ACTR1A: variants seen among roughly 807,000 people sequenced by gnomAD.
ACTR1A encodes actin related protein 1A.
A neutral mutation model predicts 50.7 loss-of-function variants in ACTR1A; 10 were observed. The observed-to-expected ratio is 0.20, with a 90% confidence interval of 0.12 to 0.33. ACTR1A has a LOEUF of 0.33. ACTR1A is among the 10% of genes least tolerant of loss of function. ACTR1A has a pLI of 1.00. For missense variants in ACTR1A, 253 were observed against 491.7 expected, an observed-to-expected ratio of 0.51 and a Z score of 4.59; for synonymous variants, 177 against 184.2, an observed-to-expected ratio of 0.96 and a Z score of 0.32.
chr10:102,496,546 T>A (rs2062223498), intron 1 of ACTR1A, among the ~76,000 whole-genome samples: 1 of 152,246 alleles, frequency 6.6e-6, no homozygotes, highest in Non-Finnish European at 1.5e-5. Flanking sequence ...TATACATAAT[T>A]GAACAGTGAA....
At chr10:102,499,083 T>C (rs564554412) in intron 1 of ACTR1A, among the ~76,000 whole-genome samples, 31 of 152,134 alleles carry the variant, frequency 2.0e-4, no homozygotes, top group Admixed American at 5.2e-4. Flanking sequence ...TGTCTTATGA[T>C]TGGGAAAGGC....
chr10:102,492,537 A>G (rs1329307786), intron 1 of ACTR1A, among the ~76,000 whole-genome samples: 1 of 152,120 alleles, frequency 6.6e-6, no homozygotes, highest in Admixed American at 6.5e-5. Context: ...CAAGCACTGA[A>G]CACACCTGGA....
chr10:102,489,139 C>T lies in ACTR1A; in HGVS notation c.114-1G>A, dbSNP rs768036222. 6.4e-7 allele frequency: 1 copy of T among 1,561,746 alleles called. No homozygotes were observed. Among genetic ancestry groups the T allele is most frequent in the South Asian group, 1.2e-5 (1 of 83,784 alleles). On this transcript the variant is annotated splice_acceptor_variant, in intron 2 of 10. Coordinates refer to ENST00000369905, the MANE Select transcript of ACTR1A (RefSeq NM_005736.4). LOFTEE classifies it high-confidence loss of function. ...ACGAACGTGCTTGGGTCGGCCCACA[C>T]TAGAAAAGACAGTGAGGAGGACCAT...
At position 102,482,422 on chromosome 10, in the gene ACTR1A, T is replaced by C; in HGVS notation, c.751-247A>G. 1 of 544,254 alleles carries C rather than the reference T, an allele frequency of 1.8e-6. No individual in the cohort carries two copies. Among genetic ancestry groups the C allele is most frequent in the South Asian group, 2.3e-5 (1 of 44,168 alleles). 33.7% of individuals were successfully genotyped at this position (544,254 alleles called of 1,614,324 possible). On this transcript the variant is annotated intron_variant, in intron 7 of 10. Transcript: ENST00000369905. The surrounding 1 kb of genome is among the most constrained non-coding windows in gnomAD (Gnocchi z 5.6). ...CCAGCCAAGAGGTCTTTGGCATCAG[T>C]ACATGGATTTATTTGCTCATGGAAA...
chr10:102,497,929 CAAA>C (rs397937965), intron 1 of ACTR1A, among the ~76,000 whole-genome samples: 4 of 111,460 alleles, frequency 3.6e-5, no homozygotes, highest in African/African-American at 1.0e-4. Context: ...CCCATTTCTA[CAAA>C]AAAAAAAAAA....
rs1283166105 is a variant in ACTR1A, at chr10:102,488,297, T to TA, written c.190-23dup. 1.2e-6 allele frequency: 2 copies of TA among 1,608,600 alleles called. No homozygotes were observed. The highest frequency in any genetic ancestry group is 2.2e-5 in the South Asian group (2 of 90,992). On this transcript the variant is annotated intron_variant, in intron 3 of 10. Coordinates refer to ENST00000369905, the MANE Select transcript of ACTR1A (RefSeq NM_005736.4). This position sits in a 1 kb window ranked among gnomAD's most constrained non-coding sequence, Gnocchi z 4.4. Reference sequence around the variant, plus strand: ...GCTCCTGGGAAAAGAGAACAGGACTTACGACTGCAGTCAGGCTCCACCCAG... The same window carrying TA: ...GCTCCTGGGAAAAGAGAACAGGACTTAACGACTGCAGTCAGGCTCCACCCAG...
chr10:102,491,950 TA>T (rs1344112454), intron 1 of ACTR1A, among the ~76,000 whole-genome samples: 1 of 147,026 alleles, frequency 6.8e-6, no homozygotes, highest in Non-Finnish European at 1.5e-5. Flanking sequence ...TTTTTTTTTT[TA>T]GTAGAGACAG....
intron 5 of ACTR1A, among the ~76,000 whole-genome samples, chr10:102,485,244 C>T (rs2062161507): frequency 6.6e-6 from 1 of 152,172 alleles, no homozygotes; most frequent in Admixed American, 6.5e-5. Flanking sequence ...GTCTCACAGC[C>T]TGGCAGAGCA....
intron 1 of ACTR1A, among the ~76,000 whole-genome samples, chr10:102,498,325 T>TC (rs35411206): frequency 0.14 from 19,936 of 139,266 alleles, 1,323 homozygotes; most frequent in East Asian, 0.17. Flanking sequence ...TCTCTCTCTC[T>TC]TTTTTTTTTT....
Position 102,482,284 on chromosome 10 carries a change from G to T in ACTR1A, c.751-109C>A. On this transcript the variant is annotated intron_variant, in intron 7 of 10. Transcript: ENST00000369905. The surrounding 1 kb of genome is among the most constrained non-coding windows in gnomAD (Gnocchi z 5.6). ...CGTCACTTAGTAACTGGGTGGCTAT[G>T]AAGGCCAGGCTCAAGACAGACTCTA... The T allele has an allele frequency of 9.3e-7, 1 of 1,072,774 alleles. No individual in the cohort carries two copies. Among genetic ancestry groups the T allele is most frequent in the Non-Finnish European group, 1.4e-6 (1 of 727,100 alleles). The allele number at this position is 1,072,774 out of a possible 1,614,324, so 66.5% of individuals were successfully genotyped here.
intron 1 of ACTR1A, among the ~76,000 whole-genome samples, 193 bp downstream of exon 1, chr10:102,502,407 A>G (rs981247647): frequency 2.0e-5 from 3 of 152,222 alleles, no homozygotes; most frequent in Admixed American, 6.5e-5. Context: ...AGAGTTCTCC[A>G]TCCCACTTTT....
At chr10:102,481,695 T>C (rs2062143134) in intron 9 of ACTR1A, 142 bp downstream of exon 9, 3 of 927,752 alleles carry the variant, frequency 3.2e-6, no homozygotes, top group East Asian at 2.4e-5. Context: ...TCAGGGTCAG[T>C]GTACAGGCTG....
rs759080109 is a variant in ACTR1A at position 102,480,235 on chromosome 10, C to G, written c.*628G>C. 6.3e-6 allele frequency: 1 copy of G among 158,432 alleles called. No homozygotes were observed. The highest frequency in any genetic ancestry group is 1.8e-4 in the South Asian group (1 of 5,406). The allele number at this position is 158,432 out of a possible 1,614,324, so 9.8% of individuals were successfully genotyped here. A position where few individuals can be genotyped will look rare whatever the true frequency, so the allele number is the denominator to read the frequency against. ...GCAGCCATTCAGAGTGAGGACTGCT[C>G]CTGCCCTCCTCCAGTGGCCGGTGTG... On this transcript the variant is annotated 3_prime_UTR_variant, in exon 11 of 11. Transcript: ENST00000369905.
chr10:102,493,380 CAA>C (rs1258677248), intron 1 of ACTR1A, among the ~76,000 whole-genome samples: 4 of 152,218 alleles, frequency 2.6e-5, no homozygotes, highest in Non-Finnish European at 5.9e-5. Context: ...AGGTTAAAAA[CAA>C]GAGAGGATGA....
intron 1 of ACTR1A, among the ~76,000 whole-genome samples, chr10:102,498,210 A>C (rs942413216): frequency 1.3e-5 from 2 of 152,174 alleles, no homozygotes; most frequent in Non-Finnish European, 2.9e-5. Context: ...AAAATACTGA[A>C]GCAAATATGG....
intron 2 of ACTR1A, among the ~76,000 whole-genome samples, chr10:102,489,849 C>G (rs2062183888): frequency 6.9e-6 from 1 of 144,576 alleles, no homozygotes. Flanking sequence ...ATAGATCGGA[C>G]AGATAGCCTC....
At chr10:102,491,552 A>G (rs984445967) in intron 1 of ACTR1A, among the ~76,000 whole-genome samples, 1 of 152,202 alleles carries the variant, frequency 6.6e-6, no homozygotes, top group Non-Finnish European at 1.5e-5. Context: ...AAGAGAAGCA[A>G]AGACTAAAGC....
At chr10:102,481,944 T>A (rs986248704) in intron 8 of ACTR1A, 46 bp from the exon 9 acceptor site, 22 of 1,613,554 alleles carry the variant, frequency 1.4e-5, no homozygotes, top group Non-Finnish European at 1.8e-5. Context: ...TCAGGGTGCC[T>A]GGAGCCAGCA....
chr10:102,497,273 C>T (rs1017760980), intron 1 of ACTR1A, among the ~76,000 whole-genome samples: 2 of 151,674 alleles, frequency 1.3e-5, no homozygotes, highest in Admixed American at 6.6e-5. Context: ...GCTAGGTGAA[C>T]GTATGGATGT....
Sources: allele counts gnomAD v4.1 joint callset (sites outside exome capture counted in the v4.1 genomes callset), GRCh38; gene constraint gnomAD v4.1.1; non-coding constraint Gnocchi (gnomAD v3.1); transcripts MANE v1.5; gene names NCBI Gene and HGNC (gene_info 2026-07-23, HGNC 2026-07-21).